Variants in TENM1 observed in about 807,000 individuals in gnomAD.
TENM1 encodes the protein teneurin transmembrane protein 1.
In TENM1, 35 loss-of-function variants were observed where a neutral mutation model predicts 174.8. The observed-to-expected ratio is 0.20, with a 90% CI of 0.15 to 0.27. TENM1 has a LOEUF of 0.27. Among genes scored for constraint, TENM1 ranks in the 10% least tolerant of loss-of-function variants. The probability of loss-of-function intolerance (pLI) is 1.00; values close to 1 mark genes in which losing one functional copy is unlikely to be tolerated. For synonymous variants in TENM1, 781 were observed against 798.7 expected (o/e 0.98, Z 0.37); for missense variants, 1,633 against 2,130.1 (o/e 0.77, Z 4.59).
At chrX:124,770,834 T>C (rs1013374866) in intron 3 of TENM1, among the ~76,000 whole-genome samples, 1 of 111,547 alleles carries the variant, frequency 9.0e-6, no homozygotes, top group African/African-American at 3.3e-5. Flanking sequence ...TATAGTTTAT[T>C]CAATGTGTTG....
chrX:125,005,064 A>G, the TENM1 span, among the ~76,000 whole-genome samples: 1 of 110,129 alleles, frequency 9.1e-6, no homozygotes, highest in Non-Finnish European at 1.9e-5. Context: ...CTGCCTCTTG[A>G]CCTTATCCTC....
intron 3 of TENM1, among the ~76,000 whole-genome samples, chrX:124,858,822 ATTCT>A (rs769608702): frequency 2.8e-5 from 3 of 107,967 alleles, no homozygotes; most frequent in South Asian, 3.7e-4. Context: ...TCATCAAATG[ATTCT>A]TTTTTTTTTT....
chrX:124,532,898 G>A (rs182766236), intron 15 of TENM1, among the ~76,000 whole-genome samples: 2 of 111,671 alleles, frequency 1.8e-5, no homozygotes, highest in South Asian at 7.5e-4. Context: ...TTTTATTCCT[G>A]GATTACTAGT....
At chrX:124,660,856 A>G (rs190631565) in intron 6 of TENM1, among the ~76,000 whole-genome samples, 1 of 112,153 alleles carries the variant, frequency 8.9e-6, no homozygotes, top group East Asian at 2.8e-4. Flanking sequence ...GAATTACCAT[A>G]TGACCCCGTC....
the TENM1 span, among the ~76,000 whole-genome samples, chrX:125,117,405 C>T: frequency 8.9e-6 from 1 of 111,806 alleles, no homozygotes; most frequent in East Asian, 2.8e-4. Context: ...TTTGCAGGGA[C>T]ATGGATGAAG....
the TENM1 span, among the ~76,000 whole-genome samples, chrX:125,113,405 G>A: frequency 9.0e-6 from 1 of 111,103 alleles, no homozygotes; most frequent in South Asian, 3.8e-4. Context: ...AAAACCCCAT[G>A]AGATACAATA....
At chrX:125,110,645 G>GA in the TENM1 span, among the ~76,000 whole-genome samples, 3 of 109,963 alleles carry the variant, frequency 2.7e-5, no homozygotes, top group Non-Finnish European at 3.8e-5. Context: ...AATTTCTGCA[G>GA]AAAAAAATGC....
chrX:124,687,412 T>C (rs1422175839), intron 5 of TENM1, among the ~76,000 whole-genome samples: 1 of 111,759 alleles, frequency 8.9e-6, no homozygotes, highest in Non-Finnish European at 1.9e-5. Flanking sequence ...CCCTTCCTTA[T>C]GCTTTAAAAC....
chrX:125,049,359 T>C, the TENM1 span, among the ~76,000 whole-genome samples: 1 of 112,427 alleles, frequency 8.9e-6, no homozygotes, highest in Non-Finnish European at 1.9e-5. Context: ...ATGTGTGTGG[T>C]TTCTTTCACT....
At chrX:125,113,848 T>A in the TENM1 span, among the ~76,000 whole-genome samples, 1 of 110,906 alleles carries the variant, frequency 9.0e-6, no homozygotes, top group Non-Finnish European at 1.9e-5. Flanking sequence ...ATTAGACAGA[T>A]CAATGAAACA....
intron 25 of TENM1, among the ~76,000 whole-genome samples, chrX:124,411,215 C>T (rs2060528338): frequency 9.0e-6 from 1 of 111,685 alleles, no homozygotes; most frequent in African/African-American, 3.3e-5. Context: ...CATCCCTCCT[C>T]CCCATATTGA....
intron 22 of TENM1, among the ~76,000 whole-genome samples, chrX:124,479,593 GA>G (rs1210442216): frequency 6.6e-5 from 7 of 105,651 alleles, no homozygotes; most frequent in Middle Eastern, 4.9e-3. Context: ...TGCTTTCCAA[GA>G]AAAAAAAAAG....
intron 11 of TENM1, among the ~76,000 whole-genome samples, chrX:124,596,083 A>AATCC (rs2049884352): frequency 8.9e-6 from 1 of 112,283 alleles, no homozygotes; most frequent in Admixed American, 9.4e-5. Flanking sequence ...TCCAGGAAAC[A>AATCC]ATCCAATTTT....
At chrX:124,520,857 G>T in intron 17 of TENM1, 73 bp from the exon 21 acceptor site, 3 of 986,476 alleles carry the variant, frequency 3.0e-6, no homozygotes, top group Non-Finnish European at 4.0e-6. Context: ...GATATTGCAT[G>T]CTTTGTTGTC....
intron 23 of TENM1, among the ~76,000 whole-genome samples, chrX:124,450,250 C>A (rs1380807627): frequency 9.1e-6 from 1 of 110,003 alleles, no homozygotes; most frequent in Non-Finnish European, 1.9e-5. Flanking sequence ...GTCCCAGCTA[C>A]TCGGGAGGCT....
the TENM1 span, among the ~76,000 whole-genome samples, chrX:125,049,803 C>T: frequency 9.0e-6 from 1 of 110,875 alleles, no homozygotes; most frequent in East Asian, 2.8e-4. Flanking sequence ...TTCTCATGCT[C>T]TTATTGGTCA....
At position 124,408,916 on chromosome X, in the gene TENM1, A is replaced by G. The variant is rs770445361; in HGVS notation, c.4983-2427T>C. On this transcript the variant is annotated intron_variant, in intron 25 of 31. Transcript: ENST00000422452. ...TTCCCACCTATGAGTGAGAACATGC[A>G]GTGTTTGGTTTTTTGTCCTTGTGAT... Among the ~76,000 whole-genome samples the G allele has an allele frequency of 8.0e-5, 8 of 99,421 alleles. No homozygotes were observed. The South Asian group carries it at 3.5e-3, about 44-fold the overall frequency. The allele number at this position is 99,421 out of a possible 115,157, so 86.3% of individuals were successfully genotyped here.
intron 4 of TENM1, among the ~76,000 whole-genome samples, chrX:124,723,069 C>T (rs958627602): frequency 4.5e-5 from 5 of 111,088 alleles, no homozygotes; most frequent in African/African-American, 6.6e-5. Flanking sequence ...TACCTCCTCA[C>T]TAATGTAGTT....
At chrX:124,524,427 C>G (rs2047927445) in intron 16 of TENM1, among the ~76,000 whole-genome samples, 1 of 112,055 alleles carries the variant, frequency 8.9e-6, no homozygotes, top group East Asian at 2.8e-4. Flanking sequence ...AGAAAGCAGA[C>G]AGTGTCTTTG....
Sources: gnomAD v4.1 joint callset for allele counts (sites outside exome capture counted in the v4.1 genomes callset) on GRCh38, gnomAD v4.1.1 for gene constraint, MANE v1.5 for transcripts, NCBI Gene and HGNC (gene_info 2026-07-23, HGNC 2026-07-21) for gene names.